Variants in SEMA3D observed in about 807,000 individuals in gnomAD.
The protein encoded by SEMA3D is semaphorin-3D.
In SEMA3D, 84 loss-of-function variants were observed where a neutral mutation model predicts 100.1. The ratio of observed to expected loss-of-function variants is 0.84; its 90% confidence interval spans 0.70 to 1.01. The LOEUF (loss-of-function observed/expected upper bound fraction) is 1.01. SEMA3D is among the 50% of genes least tolerant of loss of function. SEMA3D has a pLI of 0.00. For missense variants in SEMA3D, 875 were observed against 934.1 expected (o/e 0.94, Z 0.82); for synonymous variants, 312 against 320.7 (o/e 0.97, Z 0.29).
chr7:85,079,071 C>G (rs1232156012), intron 5 of SEMA3D, among the ~76,000 whole-genome samples: 1 of 152,066 alleles, frequency 6.6e-6, no homozygotes, highest in Non-Finnish European at 1.5e-5. Context: ...TTGGAGCAAG[C>G]TTTTTGGATT....
intron 8 of SEMA3D, 101 bp from the exon 9 acceptor site, chr7:85,055,960 T>A (rs1791307633): frequency 6.5e-6 from 4 of 611,394 alleles, no homozygotes; most frequent in African/African-American, 3.9e-5. Flanking sequence ...GTAGAATTTT[T>A]AAAAAATGAA....
At chr7:85,219,750 TC>T in the SEMA3D span, among the ~76,000 whole-genome samples, 1 of 152,154 alleles carries the variant, frequency 6.6e-6, no homozygotes, top group South Asian at 2.1e-4. Flanking sequence ...TGAAAGATTT[TC>T]CATAATTCTA....
intron 5 of SEMA3D, among the ~76,000 whole-genome samples, chr7:85,081,279 T>C (rs569387457): frequency 6.6e-6 from 1 of 152,316 alleles, no homozygotes; most frequent in East Asian, 1.9e-4. Context: ...AAAAATAATA[T>C]TCAGAATTAA....
At chr7:85,092,462 T>C (rs576448199) in intron 4 of SEMA3D, among the ~76,000 whole-genome samples, 1 of 152,156 alleles carries the variant, frequency 6.6e-6, no homozygotes, top group Non-Finnish European at 1.5e-5. Context: ...TAGTCACTTA[T>C]AAAGTATCCC....
chr7:85,070,007 A>G (rs1457814195), intron 6 of SEMA3D, among the ~76,000 whole-genome samples: 3 of 152,222 alleles, frequency 2.0e-5, no homozygotes, highest in Non-Finnish European at 4.4e-5. Context: ...AATAGTATAC[A>G]ATCATTTTCT....
chr7:85,024,060 G>A (rs934997064), intron 12 of SEMA3D, among the ~76,000 whole-genome samples: 4 of 151,854 alleles, frequency 2.6e-5, no homozygotes, highest in Non-Finnish European at 5.9e-5. Flanking sequence ...AAGTCTGCAC[G>A]TTCAGTCATT....
At chr7:85,237,143 G>A in the SEMA3D span, among the ~76,000 whole-genome samples, 1 of 152,192 alleles carries the variant, frequency 6.6e-6, no homozygotes, top group Admixed American at 6.5e-5. Flanking sequence ...CTTTTTTAGA[G>A]CAGTTTTAGG....
At chr7:85,198,893 A>G in the SEMA3D span, among the ~76,000 whole-genome samples, 4 of 149,202 alleles carry the variant, frequency 2.7e-5, no homozygotes, top group South Asian at 8.5e-4. Flanking sequence ...ATTTACTTCA[A>G]TCCTATTCCT....
chr7:85,040,332 C>T (rs368201142), intron 11 of SEMA3D, among the ~76,000 whole-genome samples: 3 of 151,868 alleles, frequency 2.0e-5, no homozygotes, highest in Non-Finnish European at 4.4e-5. Flanking sequence ...CTCACAGATA[C>T]GTTTGTTCCT....
chr7:85,133,188 A>AAT (rs1437149323), intron 2 of SEMA3D, among the ~76,000 whole-genome samples: 6 of 151,920 alleles, frequency 3.9e-5, no homozygotes, highest in Non-Finnish European at 1.5e-5. Context: ...TGTGCTATCT[A>AAT]ATTTCCCCTC....
chr7:85,072,577 T>C (rs536620043), intron 6 of SEMA3D, among the ~76,000 whole-genome samples: 1 of 152,322 alleles, frequency 6.6e-6, no homozygotes, highest in African/African-American at 2.4e-5. Context: ...ACACTATTAA[T>C]TTTGATCATC....
chr7:85,007,000 A>G, intron 17 of SEMA3D, 59 bp from the exon 18 acceptor site: 1 of 1,386,616 alleles, frequency 7.2e-7, no homozygotes, highest in Non-Finnish European at 1.0e-6. Context: ...AGCAATGGGA[A>G]AACAGACTGA....
At chr7:85,118,627 C>T (rs775755706) in intron 3 of SEMA3D, among the ~76,000 whole-genome samples, 1 of 152,026 alleles carries the variant, frequency 6.6e-6, no homozygotes, top group Non-Finnish European at 1.5e-5. Flanking sequence ...TAATGTGACC[C>T]TTGTAAATTT....
In SEMA3D at chr7:85,113,495, G is replaced by A. The variant is rs117574835; in HGVS notation, c.151+8246C>T. Among the ~76,000 whole-genome samples, 1,190 of 151,658 alleles carry A rather than the reference G, an allele frequency of 7.8e-3. 6 individuals carry two copies. The highest frequency in any genetic ancestry group is 9.1e-3 in the African/African-American group (376 of 41,290). On this transcript the variant is annotated intron_variant, in intron 3 of 18. Transcript: ENST00000284136. Reference sequence around the variant, plus strand: ...ACTTTAAGAAATTCCTCAATGGGCCGGGCGCGGTGGTTCATGCCTGTAATC... The same window carrying A: ...ACTTTAAGAAATTCCTCAATGGGCCAGGCGCGGTGGTTCATGCCTGTAATC...
chr7:85,040,169 T>G (rs558262680), intron 11 of SEMA3D, among the ~76,000 whole-genome samples: 3 of 151,738 alleles, frequency 2.0e-5, no homozygotes, highest in East Asian at 3.9e-4. Context: ...TTGTAGAGAC[T>G]GGGTCTCACT....
chr7:85,208,606 G>A, the SEMA3D span, among the ~76,000 whole-genome samples: 7 of 151,928 alleles, frequency 4.6e-5, no homozygotes, highest in Non-Finnish European at 8.8e-5. Flanking sequence ...CAGATCCTTT[G>A]TACAAAATCC....
At position 85,065,520 on chromosome 7, in the gene SEMA3D, A is replaced by G. The variant is rs748672615; in HGVS notation, c.622T>C (p.Phe208Leu). The G allele has an allele frequency of 6.2e-7, 1 of 1,613,234 alleles. No homozygotes were observed. Among genetic ancestry groups the G allele is most frequent in the Non-Finnish European group, 8.5e-7 (1 of 1,179,322 alleles). ...EYLYSGTASD[F>L]LGKDTAFTRS... ...GTGAATGCAGTATCTTTGCCAAGGA[A>G]ATCAGAAGCTGTTCCAGAGTAGAGG... The change falls in exon 8 of 19, where the codon TTC becomes CTC. Residue 208 changes from phenylalanine to leucine, a missense_variant. Phe to Leu is a conservative substitution (Grantham distance 22). Transcript: ENST00000284136.
chr7:85,236,000 G>A, the SEMA3D span, among the ~76,000 whole-genome samples: 19 of 152,148 alleles, frequency 1.2e-4, no homozygotes, highest in African/African-American at 4.3e-4. Context: ...CTAAAATTTT[G>A]TAAGGCCCCC....
intron 8 of SEMA3D, among the ~76,000 whole-genome samples, chr7:85,064,373 C>T (rs1014282707): frequency 6.6e-6 from 1 of 152,144 alleles, no homozygotes; most frequent in Non-Finnish European, 1.5e-5. Context: ...TGGGTAATCA[C>T]GTAGTCATGG....
Sources: gnomAD v4.1 joint callset for allele counts (sites outside exome capture counted in the v4.1 genomes callset) on GRCh38, gnomAD v4.1.1 for gene constraint, MANE v1.5 for transcripts, NCBI Gene and HGNC (gene_info 2026-07-23, HGNC 2026-07-21) for gene names.